LRRC4C: variants seen among roughly 807,000 people sequenced by gnomAD.
LRRC4C encodes leucine rich repeat containing 4C.
A neutral mutation model predicts 33.6 loss-of-function variants in LRRC4C; 5 were observed. That is an observed-to-expected ratio of 0.15 (90% CI 0.08 to 0.31). The LOEUF (loss-of-function observed/expected upper bound fraction) is 0.31. LRRC4C is among the 10% of genes least tolerant of loss of function. The probability of loss-of-function intolerance (pLI) is 1.00; values close to 1 mark genes in which losing one functional copy is unlikely to be tolerated. For missense variants in LRRC4C, 560 were observed against 796.7 expected (o/e 0.70, Z 3.58); for synonymous variants, 329 against 302.0 (o/e 1.09, Z -0.93).
intron 1 of LRRC4C, among the ~76,000 whole-genome samples, chr11:41,094,441 A>G (rs984095371): frequency 1.5e-4 from 22 of 151,518 alleles, no homozygotes; most frequent in Middle Eastern, 3.4e-3. Flanking sequence ...GGAGAATGGC[A>G]TGAACCCAGG....
At chr11:40,633,303 T>C (rs1381148826) in intron 3 of LRRC4C, among the ~76,000 whole-genome samples, 1 of 150,824 alleles carries the variant, frequency 6.6e-6, no homozygotes, top group African/African-American at 2.4e-5. Context: ...TTGATTTAAA[T>C]CTTAGCTCAG....
At chr11:40,788,769 G>C (rs1333840104) in intron 2 of LRRC4C, among the ~76,000 whole-genome samples, 4 of 151,954 alleles carry the variant, frequency 2.6e-5, no homozygotes, top group Non-Finnish European at 5.9e-5. Context: ...ATACAAAAAG[G>C]CATCTGAGAG....
chr11:40,571,339 T>A (rs1392441543), intron 3 of LRRC4C, among the ~76,000 whole-genome samples: 5 of 152,124 alleles, frequency 3.3e-5, no homozygotes, highest in Non-Finnish European at 7.4e-5. Flanking sequence ...AAATTTTTAG[T>A]TGTATTTTCC....
At chr11:41,157,750 G>T (rs116589897) in intron 1 of LRRC4C, among the ~76,000 whole-genome samples, 7,845 of 151,880 alleles carry the variant, frequency 0.052, 238 homozygotes, top group African/African-American at 0.074. Flanking sequence ...TAAGCTTTAC[G>T]TTTTTAATTT....
chr11:40,646,981 G>A (rs1942506356), intron 3 of LRRC4C, among the ~76,000 whole-genome samples: 1 of 152,162 alleles, frequency 6.6e-6, no homozygotes, highest in Admixed American at 6.5e-5. Context: ...CTCATCTTTA[G>A]AGAGCACTTC....
chr11:40,788,643 G>A (rs1358810519), intron 2 of LRRC4C, among the ~76,000 whole-genome samples: 1 of 152,000 alleles, frequency 6.6e-6, no homozygotes, highest in East Asian at 1.9e-4. Context: ...AAAGTCCATT[G>A]CATTTTCTTT....
At chr11:40,132,417 C>A (rs1202373475) in intron 6 of LRRC4C, among the ~76,000 whole-genome samples, 1 of 152,172 alleles carries the variant, frequency 6.6e-6, no homozygotes, top group Non-Finnish European at 1.5e-5. Context: ...CACTCCACGT[C>A]ATTTCTTTAA....
chr11:40,658,144 T>A (rs1394087301), intron 2 of LRRC4C, among the ~76,000 whole-genome samples: 2 of 152,202 alleles, frequency 1.3e-5, no homozygotes, highest in Non-Finnish European at 2.9e-5. Context: ...ATATTAACTC[T>A]CCCTTATATG....
chr11:41,402,739 C>A (rs12270872), intron 1 of LRRC4C, among the ~76,000 whole-genome samples: 11,849 of 151,634 alleles, frequency 0.078, 1,517 homozygotes, highest in African/African-American at 0.27. Flanking sequence ...GAGTAAATAC[C>A]AAGAAACAGG....
intron 5 of LRRC4C, among the ~76,000 whole-genome samples, chr11:40,197,564 G>A (rs4145163): frequency 0.92 from 140,706 of 152,248 alleles, 65,918 homozygotes; most frequent in Non-Finnish European, 1. Context: ...TTCTCCCATC[G>A]CTAATTTTGA....
intron 3 of LRRC4C, among the ~76,000 whole-genome samples, chr11:40,363,061 T>C (rs760014492): frequency 6.6e-6 from 1 of 152,194 alleles, no homozygotes; most frequent in Admixed American, 6.5e-5. Context: ...ACTGGGTATA[T>C]ACCTAAAGGA....
chr11:40,143,995 C>G (rs773066125), intron 5 of LRRC4C, among the ~76,000 whole-genome samples: 1 of 152,172 alleles, frequency 6.6e-6, no homozygotes. Context: ...GGGGTGGTAA[C>G]GATAGCTAGA....
chr11:40,136,080 G>T (rs1420477697), intron 6 of LRRC4C, among the ~76,000 whole-genome samples: 1 of 152,160 alleles, frequency 6.6e-6, no homozygotes, highest in Admixed American at 6.5e-5. Context: ...GCCAGTTTTT[G>T]TAAGTAAAGT....
intron 3 of LRRC4C, among the ~76,000 whole-genome samples, chr11:40,442,162 CAAAAAAA>C (rs1158464665): frequency 1.8e-5 from 1 of 56,190 alleles, no homozygotes; most frequent in Non-Finnish European, 3.2e-5. Flanking sequence ...GACTCCATTT[CAAAAAAA>C]AAAAAAAAAA....
intron 3 of LRRC4C, among the ~76,000 whole-genome samples, chr11:40,538,318 T>C (rs1257277284): frequency 6.6e-6 from 1 of 152,062 alleles, no homozygotes; most frequent in African/African-American, 2.4e-5. Context: ...GTGTGTGATG[T>C]TCCCCTTCTT....
At chr11:41,185,347 C>T (rs1945646190) in intron 1 of LRRC4C, among the ~76,000 whole-genome samples, 1 of 151,810 alleles carries the variant, frequency 6.6e-6, no homozygotes, top group Non-Finnish European at 1.5e-5. Context: ...GAGATCCACC[C>T]AAAGCAAAAA....
intron 5 of LRRC4C, among the ~76,000 whole-genome samples, chr11:40,180,698 A>T (rs1860917660): frequency 6.6e-6 from 1 of 152,170 alleles, no homozygotes; most frequent in Non-Finnish European, 1.5e-5. Flanking sequence ...ACAAGTGGAC[A>T]CTTGGCAGCA....
chr11:40,553,530 AT>A (rs1957211606), intron 3 of LRRC4C, among the ~76,000 whole-genome samples: 1 of 152,124 alleles, frequency 6.6e-6, no homozygotes, highest in Non-Finnish European at 1.5e-5. Context: ...AGTAAGCATG[AT>A]GTTTCCATTC....
intron 2 of LRRC4C, among the ~76,000 whole-genome samples, chr11:40,772,880 T>A (rs893943509): frequency 4.6e-5 from 7 of 152,146 alleles, no homozygotes; most frequent in Non-Finnish European, 7.4e-5. Context: ...AATCAGTATA[T>A]CAAAGAGATA....
Sources: allele counts gnomAD v4.1 joint callset (sites outside exome capture counted in the v4.1 genomes callset), GRCh38; gene constraint gnomAD v4.1.1; transcripts MANE v1.5; gene names NCBI Gene and HGNC (gene_info 2026-07-23, HGNC 2026-07-21).